The following UTY variants were observed in gnomAD, a reference collection of about 807,000 sequenced individuals.
UTY encodes histone demethylase UTY.
Under a neutral mutation model 32.5 loss-of-function variants are expected in UTY, and 12 were observed. The ratio of observed to expected loss-of-function variants is 0.37; its 90% CI spans 0.24 to 0.60. The LOEUF is 0.60. Among genes scored for constraint, UTY ranks in the 20% least tolerant of loss-of-function variants. The pLI, the probability that UTY is intolerant of heterozygous loss-of-function variation, is 0.69. For synonymous variants in UTY, 131 were observed against 103.4 expected, an observed-to-expected ratio of 1.27 and a Z score of -1.62; for missense variants, 303 against 299.2, an observed-to-expected ratio of 1.01 and a Z score of -0.09.
downstream of UTY, among the ~76,000 whole-genome samples, chrY:13,244,867 G>A (rs992409870): frequency 3.0e-5 from 1 of 33,158 alleles, no homozygotes; most frequent in Non-Finnish European, 7.5e-5. Flanking sequence ...CTCTACAATA[G>A]GTAAAACAAT....
downstream of UTY, among the ~76,000 whole-genome samples, chrY:13,245,965 C>CT (rs1285953832): frequency 3.1e-5 from 1 of 32,657 alleles, no homozygotes; most frequent in Non-Finnish European, 7.6e-5. Context: ...TAATACTTTT[C>CT]TTTTTTTTGA....
At chrY:13,318,193 G>GTAA (rs565680061) in intron 21 of UTY, among the ~76,000 whole-genome samples, 4,418 of 24,765 alleles carry the variant, frequency 0.18, no homozygotes, top group African/African-American at 0.58. Context: ...AGTAATAATA[G>GTAA]TAATAATAAT....
At chrY:13,240,716 T>C in intron 28 of UTY, among the ~76,000 whole-genome samples, 4 of 34,007 alleles carry the variant, frequency 1.2e-4, no homozygotes, top group Non-Finnish European at 2.9e-4. Flanking sequence ...GAAATTAAGA[T>C]TGAGCTCAGT....
chrY:13,458,764 T>C, intron 3 of UTY, among the ~76,000 whole-genome samples: 1 of 32,788 alleles, frequency 3.0e-5, no homozygotes, highest in East Asian at 7.9e-4. Context: ...AGCTCTTTAG[T>C]TCAAATGTCC....
intron 28 of UTY, among the ~76,000 whole-genome samples, chrY:13,240,933 C>G: frequency 3.7e-5 from 1 of 26,997 alleles, no homozygotes; most frequent in Non-Finnish European, 8.5e-5. Context: ...GTCAAGGCTG[C>G]AGTGAGCCAT....
At chrY:13,322,002 T>C (rs976442818) in intron 21 of UTY, among the ~76,000 whole-genome samples, 1 of 33,395 alleles carries the variant, frequency 3.0e-5, no homozygotes, top group Non-Finnish European at 7.4e-5. Flanking sequence ...TGTTAAATCA[T>C]TACTTTTCTG....
intron 7 of UTY, among the ~76,000 whole-genome samples, chrY:13,394,745 C>A (rs2067945589): frequency 3.0e-5 from 1 of 33,427 alleles, no homozygotes; most frequent in East Asian, 7.7e-4. Context: ...GAAATTCTGA[C>A]ATCCCTTTGT....
chrY:13,461,782 C>T (rs2077390044), intron 3 of UTY, among the ~76,000 whole-genome samples: 1 of 32,458 alleles, frequency 3.1e-5, no homozygotes, highest in Non-Finnish European at 7.5e-5. Flanking sequence ...TACAGGTGTG[C>T]GCCACCGCAC....
intron 6 of UTY, among the ~76,000 whole-genome samples, chrY:13,398,812 C>G: frequency 3.0e-5 from 1 of 33,645 alleles, no homozygotes; most frequent in Non-Finnish European, 7.4e-5. Context: ...AAATACAACT[C>G]AAAACCACAA....
chrY:13,361,410 G>A (rs2063536447), intron 10 of UTY, among the ~76,000 whole-genome samples: 1 of 33,168 alleles, frequency 3.0e-5, no homozygotes, highest in Admixed American at 2.8e-4. Flanking sequence ...AACGTGTACC[G>A]ACAAAACCAT....
chrY:13,451,807 A>G, intron 3 of UTY, among the ~76,000 whole-genome samples: 1 of 33,672 alleles, frequency 3.0e-5, no homozygotes, highest in Non-Finnish European at 7.3e-5. Context: ...AGTGAGGCTT[A>G]CATGTCCTCT....
intron 4 of UTY, among the ~76,000 whole-genome samples, chrY:13,416,916 C>T (rs2071750768): frequency 3.0e-5 from 1 of 33,537 alleles, no homozygotes; most frequent in African/African-American, 1.2e-4. Context: ...AAAATATTTA[C>T]GAAACCAATC....
chrY:13,290,788 C>T (rs2057713411), intron 27 of UTY, among the ~76,000 whole-genome samples: 1 of 33,360 alleles, frequency 3.0e-5, no homozygotes, highest in Non-Finnish European at 7.4e-5. Context: ...TGGTGTTGAA[C>T]TCCTGACCTC....
At chrY:13,478,396 T>C (rs1603484398) in intron 2 of UTY, among the ~76,000 whole-genome samples, 1 of 33,611 alleles carries the variant, frequency 3.0e-5, no homozygotes, top group African/African-American at 1.2e-4. Context: ...GCTGTCAATG[T>C]TGGAGATAAC....
At chrY:13,273,173 C>T (rs2056410760) in intron 27 of UTY, among the ~76,000 whole-genome samples, 1 of 33,592 alleles carries the variant, frequency 3.0e-5, no homozygotes, top group African/African-American at 1.2e-4. Context: ...TCCAAGTGGC[C>T]TCATATTTAT....
At chrY:13,262,768 T>C (rs2055411337) in intron 27 of UTY, among the ~76,000 whole-genome samples, 1 of 31,419 alleles carries the variant, frequency 3.2e-5, no homozygotes, top group Admixed American at 3.0e-4. Flanking sequence ...TGCACAATGT[T>C]GGCCAGGCTG....
chrY:13,273,100 A>C, intron 27 of UTY, among the ~76,000 whole-genome samples: 2 of 33,791 alleles, frequency 5.9e-5, no homozygotes, highest in African/African-American at 1.2e-4. Context: ...CCTGAATTAA[A>C]GATTTCCTAA....
chrY:13,428,388 T>C (rs768502505), intron 4 of UTY, among the ~76,000 whole-genome samples: 2 of 33,601 alleles, frequency 6.0e-5, no homozygotes, highest in Non-Finnish European at 1.5e-4. Context: ...TGGGTACAAT[T>C]TCACTCCTCT....
intron 21 of UTY, among the ~76,000 whole-genome samples, chrY:13,312,210 G>A (rs2059154440): frequency 3.1e-5 from 1 of 31,995 alleles, no homozygotes; most frequent in African/African-American, 1.2e-4. Context: ...AGCTAACACA[G>A]TGAAACCCCG....
Sources: gnomAD v4.1 joint callset for allele counts (sites outside exome capture counted in the v4.1 genomes callset) on GRCh38, gnomAD v4.1.1 for gene constraint, MANE v1.5 for transcripts, NCBI Gene and HGNC (gene_info 2026-07-23, HGNC 2026-07-21) for gene names.